TG: variants seen among roughly 807,000 people sequenced by gnomAD.
TG encodes thyroglobulin, also known as thyroid hormones.
TG carries 270 observed loss-of-function variants against 324.7 expected under a neutral mutation model. The observed-to-expected ratio is 0.83, with a 90% CI of 0.75 to 0.92. TG has a LOEUF of 0.92. TG is among the 40% of genes least tolerant of loss of function. The pLI, the probability that TG is intolerant of heterozygous loss-of-function variation, is 0.00. For missense variants in TG, 3,591 were observed against 3,456.4 expected (o/e 1.04, Z -0.98); for synonymous variants, 1,401 against 1,327.0 (o/e 1.06, Z -1.21).
At chr8:133,031,871 TTAGA>T (rs1836672962) in intron 41 of TG, among the ~76,000 whole-genome samples, 1 of 152,188 alleles carries the variant, frequency 6.6e-6, no homozygotes, top group Non-Finnish European at 1.5e-5. Flanking sequence ...TACTTTTCCT[TTAGA>T]GAAGCCTTCC....
intron 41 of TG, chr8:133,038,532 C>T (rs763696840): frequency 1.2e-6 from 2 of 1,611,108 alleles, no homozygotes; most frequent in South Asian, 2.2e-5. Flanking sequence ...GGCTAGTCCT[C>T]AAAGTAAGGT....
intron 27 of TG, among the ~76,000 whole-genome samples, chr8:132,957,927 TC>T (rs1827170136): frequency 1.3e-5 from 2 of 152,322 alleles, no homozygotes; most frequent in East Asian, 3.9e-4. Context: ...TAGTCATTTA[TC>T]CCTTGTTCCC....
chr8:132,903,184 A>G (rs1339359625), intron 16 of TG, among the ~76,000 whole-genome samples: 1 of 152,242 alleles, frequency 6.6e-6, no homozygotes, highest in African/African-American at 2.4e-5. Context: ...AAATATGTCC[A>G]AAGGAAGAAC....
intron 19 of TG, 137 bp downstream of exon 19, chr8:132,911,670 A>C (rs1173386439): frequency 4.1e-6 from 3 of 727,846 alleles, no homozygotes; most frequent in South Asian, 1.6e-5. Context: ...TAATTATTTA[A>C]AAACATATAA....
At chr8:132,881,631 G>T (rs2132120691) in intron 5 of TG, among the ~76,000 whole-genome samples, 1 of 152,332 alleles carries the variant, frequency 6.6e-6, no homozygotes, top group South Asian at 2.1e-4. Flanking sequence ...CTAATTGTTA[G>T]ACGACAGCTA....
chr8:133,130,015 T>A (rs908689272), intron 45 of TG, among the ~76,000 whole-genome samples: 7 of 152,266 alleles, frequency 4.6e-5, no homozygotes, highest in Admixed American at 1.3e-4. Flanking sequence ...AAAAAGGAAA[T>A]AAGTATATGA....
chr8:133,091,885 G>A (rs1461930846), intron 41 of TG, among the ~76,000 whole-genome samples: 2 of 151,986 alleles, frequency 1.3e-5, no homozygotes, highest in Admixed American at 1.3e-4. Context: ...GTGTGAGTGT[G>A]TCTCTATCTA....
At chr8:133,096,428 G>C (rs1217089801) in intron 43 of TG, 55 bp downstream of exon 43, 5 of 1,600,154 alleles carry the variant, frequency 3.1e-6, no homozygotes, top group Non-Finnish European at 4.3e-6. Context: ...TAAGGGCTCT[G>C]GACCTCAATG....
At chr8:132,908,424 A>AGGGTTTGAGTT in intron 18 of TG, 84 bp downstream of exon 18, 1 of 383,322 alleles carries the variant, frequency 2.6e-6, no homozygotes, top group Non-Finnish European at 4.3e-6. Context: ...TCACATTAAC[A>AGGGTTTGAGTT]CAGAGGCTGG....
At chr8:133,102,900 T>C in intron 43 of TG, 1 of 322,304 alleles carries the variant, frequency 3.1e-6, no homozygotes, top group African/African-American at 2.1e-5. Context: ...GTGGGGGCCC[T>C]GTGGGTAGCA....
In TG at chr8:132,917,181, C is replaced by G. The variant is rs1820459126; in HGVS notation, c.4379-2195C>G. On this transcript the variant is annotated intron_variant, in intron 20 of 47. Coordinates refer to ENST00000220616, the MANE Select transcript of TG (RefSeq NM_003235.5). ...ACTCAGGGAGGCAAAAAACAAAGCTCCAATCTCAAGGCACTCACAGCCTGG... is the reference window on the plus strand; with the variant it reads ...ACTCAGGGAGGCAAAAAACAAAGCTGCAATCTCAAGGCACTCACAGCCTGG... Among the ~76,000 whole-genome samples, 3 of 152,072 alleles carry G rather than the reference C, an allele frequency of 2.0e-5. No homozygotes were observed. The South Asian group carries it at 6.2e-4, about 32-fold the overall frequency.
At chr8:133,096,737 T>G (rs16904829) in intron 43 of TG, among the ~76,000 whole-genome samples, 148 of 152,258 alleles carry the variant, frequency 9.7e-4, no homozygotes, top group African/African-American at 3.4e-3. Context: ...GGCAGGGAGA[T>G]GAAGGGACTC....
intron 41 of TG, among the ~76,000 whole-genome samples, chr8:133,039,619 G>A (rs1394520385): frequency 6.6e-6 from 1 of 152,170 alleles, no homozygotes; most frequent in African/African-American, 2.4e-5. Context: ...ATGTGTTTAA[G>A]CTTTGTGAGT....
intron 41 of TG, among the ~76,000 whole-genome samples, chr8:133,093,060 C>G (rs1346293725): frequency 2.6e-5 from 4 of 152,030 alleles, no homozygotes; most frequent in African/African-American, 4.8e-5. Flanking sequence ...GGCCCTTCTG[C>G]TGTTTGCTAT....
intron 1 of TG, among the ~76,000 whole-genome samples, 191 bp downstream of exon 1, chr8:132,867,258 A>G (rs949292005): frequency 3.3e-5 from 5 of 151,954 alleles, no homozygotes; most frequent in African/African-American, 1.2e-4. Context: ...GAGGTCACAG[A>G]GCTAGTGATT....
intron 35 of TG, among the ~76,000 whole-genome samples, chr8:133,006,241 T>C (rs959843299): frequency 2.6e-5 from 4 of 152,250 alleles, no homozygotes; most frequent in African/African-American, 9.6e-5. Flanking sequence ...GCCTAAGCTG[T>C]GTCTCCAGCA....
At position 133,060,181 on chromosome 8, in the gene TG, C is replaced by T. The variant is rs372976147; in HGVS notation, c.7239+30158C>T. 22 of 1,612,868 alleles carry T rather than the reference C, an allele frequency of 1.4e-5. No individual in the cohort carries two copies. In the African/African-American group the frequency reaches 2.4e-4, roughly 18 times the overall value. ...CCCATTTCTTTCTTTTTCCCTGGGG[C>T]CGCTGGTGATGCCCAGAGCCTGTGG... On this transcript the variant is annotated intron_variant, in intron 41 of 47. Transcript: ENST00000220616.
intron 35 of TG, among the ~76,000 whole-genome samples, chr8:133,003,677 C>T (rs1157115391): frequency 6.6e-6 from 1 of 152,184 alleles, no homozygotes; most frequent in Non-Finnish European, 1.5e-5. Flanking sequence ...CACCCAGAGG[C>T]CCGCCTGTGC....
At chr8:132,938,801 T>C (rs1823985832) in intron 25 of TG, among the ~76,000 whole-genome samples, 3 of 152,066 alleles carry the variant, frequency 2.0e-5, no homozygotes. Flanking sequence ...GCCAGTAATC[T>C]TAGCACTTTG....
Sources: allele counts gnomAD v4.1 joint callset (sites outside exome capture counted in the v4.1 genomes callset), GRCh38; gene constraint gnomAD v4.1.1; transcripts MANE v1.5; gene names NCBI Gene and HGNC (gene_info 2026-07-23, HGNC 2026-07-21).